Variants in ZNF407 observed in about 807,000 individuals in gnomAD.
ZNF407 encodes the protein zinc finger protein 407.
Under a neutral mutation model 131.2 loss-of-function variants are expected in ZNF407, and 17 were observed. The observed-to-expected ratio is 0.13, with a 90% CI of 0.09 to 0.19. The LOEUF (loss-of-function observed/expected upper bound fraction) is 0.19. Ranked by LOEUF, ZNF407 falls within the 10% of genes least tolerant of loss-of-function variation. ZNF407 has a pLI of 1.00. For missense variants in ZNF407, 2,681 were observed against 2,830.6 expected, an observed-to-expected ratio of 0.95 and a Z score of 1.20; for synonymous variants, 1,156 against 1,062.0, an observed-to-expected ratio of 1.09 and a Z score of -1.72.
At chr18:74,957,232 C>T (rs1175444250) in intron 8 of ZNF407, among the ~76,000 whole-genome samples, 3 of 152,098 alleles carry the variant, frequency 2.0e-5, no homozygotes, top group Non-Finnish European at 2.9e-5. Flanking sequence ...TGTCGTTCTT[C>T]GCTTTCCCTA....
chr18:74,603,580 G>A (rs1038684468), intron 1 of ZNF407, among the ~76,000 whole-genome samples: 2 of 152,218 alleles, frequency 1.3e-5, no homozygotes, highest in Non-Finnish European at 2.9e-5. Flanking sequence ...ATTCTGTACC[G>A]AGGAAGTAGC....
chr18:74,890,651 A>G (rs1971371607), intron 7 of ZNF407, among the ~76,000 whole-genome samples: 1 of 152,174 alleles, frequency 6.6e-6, no homozygotes, highest in Non-Finnish European at 1.5e-5. Flanking sequence ...GCACTCATTT[A>G]TGGCAATGAA....
intron 4 of ZNF407, among the ~76,000 whole-genome samples, chr18:74,806,459 A>C (rs1197164944): frequency 1.3e-5 from 2 of 152,190 alleles, no homozygotes; most frequent in Non-Finnish European, 1.5e-5. Flanking sequence ...CCTGAGTTCC[A>C]GTTGGTCCCT....
At chr18:74,804,228 A>C in intron 4 of ZNF407, 1 of 1,247,604 alleles carries the variant, frequency 8.0e-7, no homozygotes, top group Non-Finnish European at 1.0e-6. Context: ...AGGCTAGTCT[A>C]GTGATTTTCT....
chr18:74,764,850 A>G lies in ZNF407; in HGVS notation c.4803-16578A>G, dbSNP rs578048488. 7.2e-5 allele frequency among the ~76,000 whole-genome samples: 11 copies of G among 152,368 alleles called. No individual in the cohort carries two copies. In the South Asian group the frequency reaches 8.3e-4, roughly 11 times the overall value. ...TATATTACTCTATTCTTTAAGCTTG[A>G]TAAAAGAAATTGTTATTAAGAAAAT... On this transcript the variant is annotated intron_variant, in intron 3 of 8. Transcript: ENST00000299687.
In ZNF407 at chr18:74,755,773, C is replaced by CTTTCTTTCTTTCTTTCTTTCTTTCTT. The variant is rs769763395; in HGVS notation, c.4803-25654_4803-25653insTTCTTTCTTTCTTTCTTTCTTTCTTT. On this transcript the variant is annotated intron_variant, in intron 3 of 8. Coordinates refer to ENST00000299687, the MANE Select transcript of ZNF407 (RefSeq NM_017757.3). ...TCTTTCTTTCTTTCTTTCTTTCTTTCTCTCTCTCTCTTTCCTTCCTTCTTT... is the reference window on the plus strand; with the variant it reads ...TCTTTCTTTCTTTCTTTCTTTCTTTCTTTCTTTCTTTCTTTCTTTCTTTCTTTCTCTCTCTCTTTCCTTCCTTCTTT... 5.3e-4 allele frequency among the ~76,000 whole-genome samples: 60 copies of CTTTCTTTCTTTCTTTCTTTCTTTCTT among 113,480 alleles called. 1 individual carries two copies. The highest frequency in any genetic ancestry group is 8.3e-4 in the East Asian group (3 of 3,632). The allele number at this position is 113,480 out of a possible 152,430, so 74.4% of individuals were successfully genotyped here. A position where few individuals can be genotyped will look rare whatever the true frequency, so the allele number is the denominator to read the frequency against.
chr18:74,688,427 A>G (rs1967145835), intron 3 of ZNF407, among the ~76,000 whole-genome samples: 1 of 152,252 alleles, frequency 6.6e-6, no homozygotes, highest in South Asian at 2.1e-4. Flanking sequence ...ATGACTTGAC[A>G]GTAACTTTGT....
At chr18:75,043,327 C>T (rs1487293258) in intron 8 of ZNF407, among the ~76,000 whole-genome samples, 1 of 152,144 alleles carries the variant, frequency 6.6e-6, no homozygotes, top group Admixed American at 6.5e-5. Context: ...TAGAAAAATT[C>T]TTCCTCATAA....
intron 3 of ZNF407, among the ~76,000 whole-genome samples, chr18:74,764,051 CT>C (rs974739998): frequency 1.4e-4 from 20 of 148,086 alleles, no homozygotes; most frequent in Non-Finnish European, 1.8e-4. Flanking sequence ...TTTTTTCTCT[CT>C]TTTTTTTTTA....
chr18:75,001,786 G>GTA (rs2122160666), intron 8 of ZNF407, among the ~76,000 whole-genome samples: 1 of 152,326 alleles, frequency 6.6e-6, no homozygotes, highest in South Asian at 2.1e-4. Flanking sequence ...AAATATAGTA[G>GTA]GTTGTATGTG....
In ZNF407 at chr18:74,779,155, G is replaced by A. The variant is rs1163661908; in HGVS notation, c.4803-2273G>A. ...TTTTGAGACGGAGGCTTGCTCTGTC[G>A]TCCAGGCTGGAGTGCAGTGGCGCAA... On this transcript the variant is annotated intron_variant, in intron 3 of 8. Transcript: ENST00000299687. Among the ~76,000 whole-genome samples the A allele has an allele frequency of 4.9e-3, 566 of 115,494 alleles. 6 individuals carry two copies. Among genetic ancestry groups the A allele is most frequent in the African/African-American group, 0.018 (531 of 30,236 alleles). 75.8% of individuals were successfully genotyped at this position (115,494 alleles called of 152,430 possible).
At position 74,741,999 on chromosome 18, in the gene ZNF407, T is replaced by C. The variant is rs149701301; in HGVS notation, c.4803-39429T>C. On this transcript the variant is annotated intron_variant, in intron 3 of 8. Coordinates refer to ENST00000299687, the MANE Select transcript of ZNF407 (RefSeq NM_017757.3). The stretch of plus-strand genomic sequence containing the variant: ...TTTACACCAAGTGGGAAAGATGAAA[T>C]AACAATTAGCAGAAAGCTTGAAGTG... Among the ~76,000 whole-genome samples the C allele has an allele frequency of 3.8e-3, 585 of 152,302 alleles. 1 individual carries two copies. Among genetic ancestry groups the C allele is most frequent in the African/African-American group, 0.013 (558 of 41,564 alleles).
At chr18:74,653,191 A>G (rs1348750132) in intron 3 of ZNF407, among the ~76,000 whole-genome samples, 5 of 151,854 alleles carry the variant, frequency 3.3e-5, no homozygotes, top group Admixed American at 2.6e-4. Context: ...TCTTGGATAT[A>G]TGGTTTTCCA....
intron 1 of ZNF407, among the ~76,000 whole-genome samples, chr18:74,614,264 G>A (rs760125846): frequency 2.6e-5 from 4 of 152,114 alleles, no homozygotes; most frequent in Non-Finnish European, 5.9e-5. Context: ...AATCTTCAGG[G>A]TACAAAATCT....
At chr18:74,701,220 G>A (rs1967486154) in intron 3 of ZNF407, among the ~76,000 whole-genome samples, 1 of 152,120 alleles carries the variant, frequency 6.6e-6, no homozygotes, top group Admixed American at 6.5e-5. Context: ...TCCAGGCTGT[G>A]GTGTTCTGTT....
At chr18:74,705,161 T>TTTA (rs1361221130) in intron 3 of ZNF407, among the ~76,000 whole-genome samples, 4 of 151,840 alleles carry the variant, frequency 2.6e-5, no homozygotes, top group Non-Finnish European at 5.9e-5. Context: ...TTTTTTTTTT[T>TTTA]AAACCAGAAA....
intron 3 of ZNF407, among the ~76,000 whole-genome samples, chr18:74,743,559 T>G (rs1968599356): frequency 6.6e-6 from 1 of 152,172 alleles, no homozygotes; most frequent in South Asian, 2.1e-4. Context: ...ATAATATTCC[T>G]TTTTTAGGAC....
chr18:74,762,975 T>A (rs1031420902), intron 3 of ZNF407, among the ~76,000 whole-genome samples: 4 of 152,016 alleles, frequency 2.6e-5, no homozygotes, highest in Non-Finnish European at 2.9e-5. Flanking sequence ...TCTAAAGTGA[T>A]TGGATTTTAG....
At chr18:74,784,989 C>T (rs1468583780) in intron 4 of ZNF407, among the ~76,000 whole-genome samples, 4 of 151,818 alleles carry the variant, frequency 2.6e-5, no homozygotes, top group Admixed American at 2.0e-4. Context: ...GCATTTGATC[C>T]ATTGCTTTTG....
Sources: gnomAD v4.1 joint callset for allele counts (sites outside exome capture counted in the v4.1 genomes callset) on GRCh38, gnomAD v4.1.1 for gene constraint, MANE v1.5 for transcripts, NCBI Gene and HGNC (gene_info 2026-07-23, HGNC 2026-07-21) for gene names.